EBAG9: variants seen among roughly 807,000 people sequenced by gnomAD.
EBAG9 encodes the protein estrogen receptor binding site associated antigen 9, also known as receptor-binding cancer antigen expressed on SiSo cells.
EBAG9 carries 16 observed loss-of-function variants against 30.9 expected under a neutral mutation model. The observed-to-expected ratio is 0.52, with a 90% confidence interval of 0.35 to 0.79. The LOEUF (loss-of-function observed/expected upper bound fraction) is 0.79, where lower values mean the gene tolerates loss of function less well. Ranked by LOEUF, EBAG9 falls within the 30% of genes least tolerant of loss-of-function variation. The probability of loss-of-function intolerance (pLI) is 0.01; values close to 1 mark genes in which losing one functional copy is unlikely to be tolerated. For synonymous variants in EBAG9, 93 were observed against 82.8 expected (o/e 1.12, Z -0.67); for missense variants, 197 against 242.1 (o/e 0.81, Z 1.24).
intron 1 of EBAG9, among the ~76,000 whole-genome samples, chr8:109,544,561 A>G (rs1821345743): frequency 6.6e-6 from 1 of 152,240 alleles, no homozygotes; most frequent in Non-Finnish European, 1.5e-5. Flanking sequence ...CAGCTGTTCC[A>G]ATGACAGGAA....
At position 109,555,828 on chromosome 8, in the gene EBAG9, C is replaced by G. The variant is rs141528580; in HGVS notation, c.321+941C>G. Among the ~76,000 whole-genome samples the G allele has an allele frequency of 1.6e-4, 24 of 152,168 alleles. No individual in the cohort carries two copies. In the East Asian group the frequency reaches 4.6e-3, roughly 29 times the overall value. On this transcript the variant is annotated intron_variant, in intron 4 of 6. Coordinates refer to ENST00000337573, the MANE Select transcript of EBAG9 (RefSeq NM_004215.5). ...TTTATTTATCAAAATAGTACATGTA[C>G]TTTTTTTAAATCAAAAACTGTAGAA...
At chr8:109,550,540 A>T (rs1002827107) in intron 1 of EBAG9, 1 of 262,036 alleles carries the variant, frequency 3.8e-6, no homozygotes, top group Admixed American at 5.4e-5. Flanking sequence ...TTTGAATTGT[A>T]GATTTTTGTA....
intron 4 of EBAG9, among the ~76,000 whole-genome samples, chr8:109,555,692 G>A (rs978672912): frequency 6.6e-6 from 1 of 152,118 alleles, no homozygotes; most frequent in African/African-American, 2.4e-5. Flanking sequence ...GTAATTGTGA[G>A]TTTGTGTTAG....
chr8:109,550,967 C>A, intron 2 of EBAG9, 60 bp downstream of exon 2: 1 of 1,149,050 alleles, frequency 8.7e-7, no homozygotes, highest in East Asian at 2.6e-5. Flanking sequence ...TGGATACCTT[C>A]AAAACTTCAA....
At chr8:109,551,870 A>C (rs1443174289) in intron 2 of EBAG9, among the ~76,000 whole-genome samples, 1 of 152,178 alleles carries the variant, frequency 6.6e-6, no homozygotes, top group Non-Finnish European at 1.5e-5. Context: ...TTATTTAAGA[A>C]TAAAATAAAA....
At chr8:109,561,555 A>G (rs1312127125) in intron 6 of EBAG9, among the ~76,000 whole-genome samples, 1 of 152,060 alleles carries the variant, frequency 6.6e-6, no homozygotes, top group Non-Finnish European at 1.5e-5. Flanking sequence ...GTAAAGAGAA[A>G]ATTTATCTTA....
At chr8:109,543,823 G>A (rs1393888426) in intron 1 of EBAG9, among the ~76,000 whole-genome samples, 1 of 152,084 alleles carries the variant, frequency 6.6e-6, no homozygotes, top group Non-Finnish European at 1.5e-5. Flanking sequence ...TTGAGGCCAG[G>A]AGTTCGAGAC....
At chr8:109,561,890 CT>C (rs397942472) in intron 6 of EBAG9, among the ~76,000 whole-genome samples, 1,377 of 118,490 alleles carry the variant, frequency 0.012, 10 homozygotes, top group African/African-American at 0.029. Flanking sequence ...ATATCAAGCC[CT>C]TTTTTTTTTT....
chr8:109,555,020 C>A, intron 4 of EBAG9, 133 bp downstream of exon 4: 2 of 895,364 alleles, frequency 2.2e-6, no homozygotes, highest in Non-Finnish European at 3.3e-6. Flanking sequence ...TTTTAGGGTA[C>A]ATGTGCACAA....
At chr8:109,543,548 C>G (rs932441031) in intron 1 of EBAG9, among the ~76,000 whole-genome samples, 1 of 152,052 alleles carries the variant, frequency 6.6e-6, no homozygotes, top group African/African-American at 2.4e-5. Context: ...TACATACAGT[C>G]AAGTATGTGG....
intron 2 of EBAG9, among the ~76,000 whole-genome samples, chr8:109,551,277 C>T (rs1323610687): frequency 6.6e-6 from 1 of 151,214 alleles, no homozygotes; most frequent in African/African-American, 2.4e-5. Context: ...TCTGTCTATA[C>T]TACAATAGTG....
intron 6 of EBAG9, among the ~76,000 whole-genome samples, chr8:109,564,158 C>G (rs1055631824): frequency 7.2e-5 from 11 of 152,114 alleles, no homozygotes; most frequent in African/African-American, 2.7e-4. Context: ...TATCCCTGTA[C>G]TTAATCCTAT....
intron 6 of EBAG9, chr8:109,563,430 C>CTGCTCTCTT (rs1236190573): frequency 6.3e-7 from 1 of 1,597,662 alleles, no homozygotes; most frequent in Non-Finnish European, 8.5e-7. Context: ...TCTGCTCTCT[C>CTGCTCTCTT]CTGTTTCATC....
At position 109,565,263 on chromosome 8, in the gene EBAG9, C is replaced by T. The variant is rs1821803915; in HGVS notation, c.*704C>T. ...AAAATCAACTAAAATGACATTTGTT[C>T]TACATTATAACTTGTGAGTTTCAAG... is the stretch of plus-strand genomic sequence containing the variant. On this transcript the variant is annotated 3_prime_UTR_variant, in exon 7 of 7. Coordinates refer to ENST00000337573, the MANE Select transcript of EBAG9 (RefSeq NM_004215.5). The T allele has an allele frequency of 6.6e-6, 1 of 152,390 alleles. No individual in the cohort carries two copies. The highest frequency in any genetic ancestry group is 1.5e-5 in the Non-Finnish European group (1 of 67,950). 9.4% of individuals were successfully genotyped at this position (152,390 alleles called of 1,614,324 possible). A position where few individuals can be genotyped will look rare whatever the true frequency, so the allele number is the denominator to read the frequency against.
At chr8:109,545,413 G>A (rs1361019462) in intron 1 of EBAG9, among the ~76,000 whole-genome samples, 1 of 143,050 alleles carries the variant, frequency 7.0e-6, no homozygotes, top group African/African-American at 2.6e-5. Context: ...GCCCAGGCTG[G>A]AGTGCAGTCA....
intron 2 of EBAG9, among the ~76,000 whole-genome samples, chr8:109,551,886 A>G (rs573456452): frequency 6.6e-6 from 1 of 152,266 alleles, no homozygotes; most frequent in South Asian, 2.1e-4. Flanking sequence ...TAAAAATATT[A>G]CTTTTTCTTT....
chr8:109,554,642 A>G, intron 3 of EBAG9, 87 bp from the exon 4 acceptor site: 2 of 1,375,944 alleles, frequency 1.5e-6, no homozygotes, highest in Non-Finnish European at 2.0e-6. Context: ...CCAGTGTTTT[A>G]GAAAGCCCAT....
At chr8:109,557,717 T>C (rs901482095) in intron 5 of EBAG9, 1 of 455,948 alleles carries the variant, frequency 2.2e-6, no homozygotes, top group African/African-American at 2.0e-5. Context: ...TCAGAATTTC[T>C]CATGAGTTTG....
chr8:109,563,307 A>G, intron 6 of EBAG9: 1 of 1,434,566 alleles, frequency 7.0e-7, no homozygotes, highest in South Asian at 1.3e-5. Flanking sequence ...ATATAACCTA[A>G]TGTTGCCTAT....
Sources: allele counts gnomAD v4.1 joint callset (sites outside exome capture counted in the v4.1 genomes callset), GRCh38; gene constraint gnomAD v4.1.1; transcripts MANE v1.5; gene names NCBI Gene and HGNC (gene_info 2026-07-23, HGNC 2026-07-21).